FGD5: variants seen among roughly 807,000 people sequenced by gnomAD.
The protein encoded by FGD5 is FYVE, RhoGEF and PH domain containing 5.
FGD5 carries 28 observed loss-of-function variants against 133.4 expected under a neutral mutation model. The ratio of observed to expected loss-of-function variants is 0.21; its 90% CI spans 0.16 to 0.29. The LOEUF is 0.29. Ranked by LOEUF, FGD5 falls within the 10% of genes least tolerant of loss-of-function variation. The probability of loss-of-function intolerance (pLI) is 1.00; values close to 1 mark genes in which losing one functional copy is unlikely to be tolerated. For synonymous variants in FGD5, 810 were observed against 776.5 expected, an observed-to-expected ratio of 1.04 and a Z score of -0.72; for missense variants, 1,858 against 1,895.2, an observed-to-expected ratio of 0.98 and a Z score of 0.36.
At position 14,901,696 on chromosome 3, in the gene FGD5, G is replaced by A. The variant is rs1371618473; in HGVS notation, c.3264+635G>A. ...GACCAGGTAGTCACATCTTCTGCAG[G>A]CACAGAAGGGAGATGATGGCCATGT... On this transcript the variant is annotated intron_variant, in intron 9 of 19. Coordinates refer to ENST00000285046, the MANE Select transcript of FGD5 (RefSeq NM_152536.4). 2.0e-5 allele frequency among the ~76,000 whole-genome samples: 3 copies of A among 152,354 alleles called. No homozygotes were observed. The East Asian group carries it at 5.8e-4, about 29-fold the overall frequency.
intron 4 of FGD5, among the ~76,000 whole-genome samples, chr3:14,886,399 C>T (rs928816724): frequency 3.3e-5 from 5 of 152,186 alleles, no homozygotes; most frequent in Admixed American, 6.5e-5. Flanking sequence ...GCACGCACCC[C>T]GGGAAGCTCT....
upstream of FGD5, among the ~76,000 whole-genome samples, chr3:14,818,414 C>G (rs1349981738): frequency 6.6e-6 from 1 of 152,196 alleles, no homozygotes; most frequent in Non-Finnish European, 1.5e-5. Flanking sequence ...CCCGGCTCTA[C>G]CCTCCAGTTG....
intron 1 of FGD5, among the ~76,000 whole-genome samples, chr3:14,811,845 G>A (rs2125062295): frequency 6.6e-6 from 1 of 152,262 alleles, no homozygotes; most frequent in African/African-American, 2.4e-5. Context: ...TGCCTGCCAA[G>A]GAGCAATCAC....
rs1211139736 is a variant in FGD5 at position 14,819,585 on chromosome 3, C to T, written c.514C>T (p.Pro172Ser). ...TGAGGAGGAAGAGAAGCTAGTGCAG[C>T]CACACAGGGAGTGCAGCCTGGAGGA... is the stretch of plus-strand genomic sequence containing the variant. The part of the protein sequence containing the change: ...RSEEEEKLVQ[P>S]HRECSLEDSG... Residue 172 changes from proline (P) to serine (S), a missense_variant, in exon 1 of 20, where the codon CCA becomes TCA. Pro to Ser is a moderately conservative substitution (Grantham distance 74). Around this residue, in one of 3 missense-constraint regions of FGD5, gnomAD observed 1,824 missense variants for 1,848.9 expected, o/e 0.99. Transcript: ENST00000285046. This position sits in a 1 kb window ranked among gnomAD's most constrained non-coding sequence, Gnocchi z 4.1. 2 of 1,551,358 alleles carry T rather than the reference C, an allele frequency of 1.3e-6. No individual in the cohort carries two copies. The highest frequency in any genetic ancestry group is 1.7e-6 in the Non-Finnish European group (2 of 1,146,982).
chr3:14,921,447 ACTGT>A (rs2038678782), intron 13 of FGD5: 1 of 169,016 alleles, frequency 5.9e-6, no homozygotes, highest in South Asian at 1.5e-4. Flanking sequence ...CTGTTGGATG[ACTGT>A]CTGGGAAGCT....
chr3:14,829,536 C>T (rs1363240171), intron 1 of FGD5, among the ~76,000 whole-genome samples: 1 of 152,138 alleles, frequency 6.6e-6, no homozygotes, highest in African/African-American at 2.4e-5. Context: ...AGTTCTCCAG[C>T]GTTGATGAAC....
chr3:14,882,672 TG>T (rs2037848905), intron 4 of FGD5, among the ~76,000 whole-genome samples: 1 of 145,062 alleles, frequency 6.9e-6, no homozygotes, highest in South Asian at 2.2e-4. Context: ...CACTCCAGCC[TG>T]GGTGACAGAG....
chr3:14,814,516 C>T (rs2036341430), upstream of FGD5, among the ~76,000 whole-genome samples: 1 of 152,042 alleles, frequency 6.6e-6, no homozygotes, highest in Admixed American at 6.5e-5. Context: ...GAGCTGGATG[C>T]TCTCATACTC....
At chr3:14,836,001 G>A (rs1338081675) in intron 1 of FGD5, among the ~76,000 whole-genome samples, 1 of 152,234 alleles carries the variant, frequency 6.6e-6, no homozygotes, top group Non-Finnish European at 1.5e-5. Context: ...GAGATGAAGA[G>A]CAGAAAGGAA....
chr3:14,820,829 G>T lies in FGD5; in HGVS notation c.1758G>T (p.Ser586=). ...GGAAAGAGGACAATCTCTCTCTGTC[G>T]TGTGTAATTGGCTCCTCTGGGAGTT... ...IKRKEDNLSL[S]CVIGSSGSFS... The change falls in exon 1 of 20, where the codon TCG becomes TCT. Residue 586 remains serine, a synonymous_variant. Transcript: ENST00000285046. 6.2e-7 allele frequency: 1 copy of T among 1,613,826 alleles called. No individual in the cohort carries two copies. Among genetic ancestry groups the T allele is most frequent in the Non-Finnish European group, 8.5e-7 (1 of 1,179,852 alleles).
intron 4 of FGD5, among the ~76,000 whole-genome samples, chr3:14,883,749 G>A (rs903055): frequency 0.81 from 124,009 of 152,206 alleles, 50,760 homozygotes; most frequent in East Asian, 0.98. Context: ...GGAGAAATCA[G>A]TATGTGAACA....
chr3:14,868,546 A>G (rs570826946), intron 2 of FGD5, among the ~76,000 whole-genome samples: 16 of 152,328 alleles, frequency 1.1e-4, no homozygotes, highest in African/African-American at 3.4e-4. Context: ...AAACACCACC[A>G]TGCACTTTCT....
At chr3:14,882,727 A>G (rs2037851411) in intron 4 of FGD5, among the ~76,000 whole-genome samples, 1 of 150,654 alleles carries the variant, frequency 6.6e-6, no homozygotes, top group African/African-American at 2.4e-5. Context: ...CACCACTTAG[A>G]AGTTGGTTGC....
Position 14,922,609 on chromosome 3 carries a change from C to T in FGD5, c.3807+61C>T. 1 of 1,526,426 alleles carries T rather than the reference C, an allele frequency of 6.6e-7. No individual in the cohort carries two copies. Among genetic ancestry groups the T allele is most frequent in the Non-Finnish European group, 8.8e-7 (1 of 1,138,782 alleles). 94.6% of individuals were successfully genotyped at this position (1,526,426 alleles called of 1,614,324 possible). Reference sequence around the variant, plus strand: ...GGGTGGGGTGGGGGAAGGGCATGTCCCTGCCCAGCCGGGGGCTCAGGGATG... The same window carrying T: ...GGGTGGGGTGGGGGAAGGGCATGTCTCTGCCCAGCCGGGGGCTCAGGGATG... On this transcript the variant is annotated intron_variant, in intron 15 of 19. Transcript: ENST00000285046. This position sits in a 1 kb window ranked among gnomAD's most constrained non-coding sequence, Gnocchi z 4.1.
At position 14,821,398 on chromosome 3, in the gene FGD5, A is replaced by G; in HGVS notation, c.2327A>G (p.Asn776Ser). 1 of 1,613,960 alleles carries G rather than the reference A, an allele frequency of 6.2e-7. No homozygotes were observed. The highest frequency in any genetic ancestry group is 2.2e-5 in the East Asian group (1 of 44,874). Residue 776 changes from asparagine to serine, a missense_variant, in exon 1 of 20, where the codon AAC (asparagine) becomes AGC (serine). This residue lies in a region of FGD5 where 1,824 missense variants were observed against 1,848.9 expected (regional missense o/e 0.99). Coordinates refer to ENST00000285046, the MANE Select transcript of FGD5 (RefSeq NM_152536.4). ...AGCGCTGACACTTCAGACTATGAGA[A>G]CATTCCAGCCATGAACTCGGACTAT... ...FPSADTSDYE[N>S]IPAMNSDYEN...
chr3:14,820,762 A>T lies in FGD5; in HGVS notation c.1691A>T (p.Gln564Leu), dbSNP rs777320810. The change falls in exon 1 of 20, where the codon CAG (glutamine) becomes CTG (leucine). Residue 564 changes from glutamine to leucine, a missense_variant. Around this residue, in one of 3 missense-constraint regions of FGD5, gnomAD observed 1,824 missense variants for 1,848.9 expected, o/e 0.99. Transcript: ENST00000285046. ...CGAGAGATTCCAGTGTCCGTGTACCAGGAGCCTGAGGGGTCAGGGTTGGAT... is the reference window on the plus strand; with the variant it reads ...CGAGAGATTCCAGTGTCCGTGTACCTGGAGCCTGAGGGGTCAGGGTTGGAT... ...EGREIPVSVY[Q>L]EPEGSGLDDH... The T allele has an allele frequency of 6.2e-7, 1 of 1,613,136 alleles. No individual in the cohort carries two copies. The highest frequency in any genetic ancestry group is 8.5e-7 in the Non-Finnish European group (1 of 1,179,564).
chr3:14,821,822 C>T (rs910769509), intron 1 of FGD5, among the ~76,000 whole-genome samples: 2 of 152,150 alleles, frequency 1.3e-5, no homozygotes, highest in Non-Finnish European at 2.9e-5. Flanking sequence ...CAGAGTAAGG[C>T]CGGGCGCAGT....
chr3:14,886,641 A>G (rs902373285), intron 4 of FGD5, among the ~76,000 whole-genome samples: 1 of 151,958 alleles, frequency 6.6e-6, no homozygotes, highest in African/African-American at 2.4e-5. Flanking sequence ...TCCCTCTCAC[A>G]CCTCGTTTTC....
At chr3:14,834,274 C>T (rs967056776) in intron 1 of FGD5, among the ~76,000 whole-genome samples, 1 of 152,148 alleles carries the variant, frequency 6.6e-6, no homozygotes, top group South Asian at 2.1e-4. Flanking sequence ...GTTCAAATCC[C>T]AGCTCTGCCA....
Sources: gnomAD v4.1 joint callset for allele counts (sites outside exome capture counted in the v4.1 genomes callset) on GRCh38, gnomAD v4.1.1 for gene constraint, gnomAD v4.1.1 regional missense constraint, Gnocchi (gnomAD v3.1) non-coding constraint, MANE v1.5 for transcripts, NCBI Gene and HGNC (gene_info 2026-07-23, HGNC 2026-07-21) for gene names.